Variants in UMAD1 observed in about 807,000 individuals in gnomAD.
UMAD1 encodes the protein UBAP1-MVB12-associated (UMA) domain containing 1.
Under a neutral mutation model 6.1 loss-of-function variants are expected in UMAD1, and 8 were observed. The observed-to-expected ratio is 1.30, with a 90% CI of 0.76 to 2.35. UMAD1 has a LOEUF of 2.35. UMAD1 is among the 30% of genes most tolerant of loss of function. The pLI is 0.00. For missense variants in UMAD1, 130 were observed against 78.4 expected (o/e 1.66, Z -2.49); for synonymous variants, 56 against 31.4 (o/e 1.78, Z -2.61).
rs28914170 is a variant in UMAD1, at chr7:7,694,572, A to G, written c.82+21119A>G. Among the ~76,000 whole-genome samples, 1,215 of 146,222 alleles carry G rather than the reference A, an allele frequency of 8.3e-3. 11 individuals carry two copies. Among genetic ancestry groups the G allele is most frequent in the Non-Finnish European group, 0.012 (837 of 67,022 alleles). ...CCCAGACTCTGGTAACCATCATTCT[A>G]CTCTCTATCTCTCTGAGTTCAATTA... On this transcript the variant is annotated intron_variant, in intron 2 of 3. Transcript: ENST00000682710.
chr7:7,688,110 C>T (rs565608451), intron 2 of UMAD1, among the ~76,000 whole-genome samples: 1 of 152,332 alleles, frequency 6.6e-6, no homozygotes, highest in South Asian at 2.1e-4. Context: ...AAACTTCTGA[C>T]ACTACATGTA....
At chr7:7,719,950 T>C (rs1583772928) in intron 2 of UMAD1, among the ~76,000 whole-genome samples, 1 of 152,184 alleles carries the variant, frequency 6.6e-6, no homozygotes, top group East Asian at 1.9e-4. Context: ...TTAAAGGTGT[T>C]TAATAAGTAC....
At chr7:7,844,247 T>C (rs1175636281) in intron 3 of UMAD1, among the ~76,000 whole-genome samples, 1 of 152,052 alleles carries the variant, frequency 6.6e-6, no homozygotes. Context: ...AATCTCAGAG[T>C]GGAAACTGGT....
intron 2 of UMAD1, among the ~76,000 whole-genome samples, chr7:7,710,993 G>A (rs11773013): frequency 0.41 from 62,160 of 151,936 alleles, 13,127 homozygotes; most frequent in Middle Eastern, 0.54. Context: ...TGACCAAACT[G>A]TACACAAAAA....
chr7:7,685,845 T>C (rs1780031106), intron 2 of UMAD1: 2 of 152,256 alleles, frequency 1.3e-5, no homozygotes, highest in South Asian at 4.1e-4. Context: ...AAGAATAGTA[T>C]CTCATAAAAT....
intron 2 of UMAD1, chr7:7,738,700 A>T (rs902164066): frequency 1.3e-5 from 2 of 152,122 alleles, no homozygotes; most frequent in African/African-American, 4.8e-5. Context: ...TTGCTTTCCT[A>T]TTTTCTGTAG....
At chr7:7,783,229 T>C (rs138821690) in intron 2 of UMAD1, among the ~76,000 whole-genome samples, 23 of 152,348 alleles carry the variant, frequency 1.5e-4, no homozygotes, top group African/African-American at 5.5e-4. Context: ...TCAGATCAAT[T>C]ACAGATAGTT....
chr7:7,647,386 G>T (rs7794467), intron 1 of UMAD1, among the ~76,000 whole-genome samples: 7 of 152,066 alleles, frequency 4.6e-5, no homozygotes, highest in Non-Finnish European at 8.8e-5. Flanking sequence ...AATTATGTGA[G>T]GCTTGCTTTA....
chr7:7,658,440 T>C (rs1563092310), intron 1 of UMAD1, among the ~76,000 whole-genome samples: 2 of 152,238 alleles, frequency 1.3e-5, no homozygotes, highest in Non-Finnish European at 2.9e-5. Flanking sequence ...TGATATTGGC[T>C]GTGGGTTTGT....
At chr7:7,700,176 A>C (rs1013559426) in intron 2 of UMAD1, among the ~76,000 whole-genome samples, 1 of 152,168 alleles carries the variant, frequency 6.6e-6, no homozygotes. Context: ...GGCATTGGCA[A>C]ATAGGCAGTC....
chr7:7,646,865 T>C (rs923945694), intron 1 of UMAD1, among the ~76,000 whole-genome samples: 1 of 152,120 alleles, frequency 6.6e-6, no homozygotes, highest in African/African-American at 2.4e-5. Context: ...GTTTGGGGTT[T>C]ATATGGGCAC....
At chr7:7,697,327 C>G (rs1046155128) in intron 2 of UMAD1, among the ~76,000 whole-genome samples, 1 of 152,084 alleles carries the variant, frequency 6.6e-6, no homozygotes, top group African/African-American at 2.4e-5. Flanking sequence ...ATATCAGAAT[C>G]CTCTATTCTG....
At chr7:7,673,554 C>A in intron 2 of UMAD1, 101 bp downstream of exon 2, 1 of 641,100 alleles carries the variant, frequency 1.6e-6, no homozygotes, top group South Asian at 1.8e-5. Flanking sequence ...CTTATAATTT[C>A]AGAATTAATT....
chr7:7,643,463 C>T (rs1785020971), intron 1 of UMAD1, among the ~76,000 whole-genome samples: 1 of 152,328 alleles, frequency 6.6e-6, no homozygotes, highest in African/African-American at 2.4e-5. Context: ...GTAATCCCAG[C>T]ACTTTGGGAG....
intron 1 of UMAD1, among the ~76,000 whole-genome samples, chr7:7,659,061 C>A (rs562612712): frequency 1.3e-5 from 2 of 152,164 alleles, no homozygotes; most frequent in Non-Finnish European, 2.9e-5. Context: ...GGAATTTATC[C>A]ATTTCTTCTA....
At chr7:7,812,558 A>G (rs1239554035) in intron 3 of UMAD1, among the ~76,000 whole-genome samples, 1 of 152,164 alleles carries the variant, frequency 6.6e-6, no homozygotes, top group African/African-American at 2.4e-5. Flanking sequence ...TGTTAATTAT[A>G]TATATTTAGA....
At chr7:7,672,413 C>T (rs1221025182) in intron 1 of UMAD1, among the ~76,000 whole-genome samples, 1 of 152,150 alleles carries the variant, frequency 6.6e-6, no homozygotes, top group Non-Finnish European at 1.5e-5. Context: ...ACAATAATCT[C>T]ACCAACGCAA....
chr7:7,719,909 T>G (rs1781009588), intron 2 of UMAD1, among the ~76,000 whole-genome samples: 1 of 152,230 alleles, frequency 6.6e-6, no homozygotes, highest in African/African-American at 2.4e-5. Flanking sequence ...CCTTTCCATA[T>G]TCAGAGAAGT....
chr7:7,793,379 A>T (rs1243812811), intron 2 of UMAD1, among the ~76,000 whole-genome samples: 1 of 152,202 alleles, frequency 6.6e-6, no homozygotes, highest in Non-Finnish European at 1.5e-5. Context: ...CTGAAGAATG[A>T]AAAGGAGTTA....
Sources: gnomAD v4.1 joint callset for allele counts (sites outside exome capture counted in the v4.1 genomes callset) on GRCh38, gnomAD v4.1.1 for gene constraint, MANE v1.5 for transcripts, NCBI Gene and HGNC (gene_info 2026-07-23, HGNC 2026-07-21) for gene names.